The following THSD7B variants were observed in gnomAD, a reference collection of about 807,000 sequenced individuals.
THSD7B encodes the protein thrombospondin type-1 domain-containing protein 7B.
In THSD7B, 138 loss-of-function variants were observed where a neutral mutation model predicts 213.6. That is an observed-to-expected ratio of 0.65 (90% confidence interval 0.56 to 0.74). The LOEUF (loss-of-function observed/expected upper bound fraction) is 0.74. Ranked by LOEUF, THSD7B falls within the 30% of genes least tolerant of loss-of-function variation. THSD7B has a pLI of 0.00. For missense variants in THSD7B, 1,931 were observed against 1,991.5 expected (o/e 0.97, Z 0.58); for synonymous variants, 742 against 687.0 (o/e 1.08, Z -1.25).
Position 137,470,429 on chromosome 2 carries a change from C to T in THSD7B, c.3138+19406C>T, listed in dbSNP as rs184341924. Among the ~76,000 whole-genome samples, 278 of 152,230 alleles carry T rather than the reference C, an allele frequency of 1.8e-3. 3 individuals carry two copies. Among genetic ancestry groups the T allele is most frequent in the Non-Finnish European group, 3.1e-3 (211 of 68,022 alleles). ...GGGTGGTTGAGCTCCTCAGCTTTCC[C>T]GTGGATGAAAACAAACAAACAAAAA... On this transcript the variant is annotated intron_variant, in intron 15 of 27. Transcript: ENST00000409968.
chr2:136,855,296 A>G (rs1292738506), intron 1 of THSD7B, among the ~76,000 whole-genome samples: 2 of 152,002 alleles, frequency 1.3e-5, no homozygotes, highest in African/African-American at 4.8e-5. Context: ...TCACCTTTCT[A>G]CCCTATTCAC....
intron 2 of THSD7B, among the ~76,000 whole-genome samples, chr2:137,028,796 T>C (rs928053900): frequency 2.0e-5 from 3 of 152,172 alleles, no homozygotes; most frequent in African/African-American, 4.8e-5. Flanking sequence ...ACCTAAAAAA[T>C]AGGTAGGAAC....
intron 5 of THSD7B, among the ~76,000 whole-genome samples, chr2:137,119,870 A>G (rs1688516909): frequency 6.6e-6 from 1 of 152,198 alleles, no homozygotes; most frequent in Admixed American, 6.5e-5. Context: ...AGTAATTTAT[A>G]TTCTTAGCTG....
chr2:136,816,729 G>C (rs930453140), intron 1 of THSD7B, among the ~76,000 whole-genome samples: 2 of 152,078 alleles, frequency 1.3e-5, no homozygotes, highest in Non-Finnish European at 2.9e-5. Flanking sequence ...ATCTCCACTG[G>C]GAATGCACTT....
In THSD7B at chr2:137,665,659, T is replaced by C. The variant is rs574170135; in HGVS notation, c.4651+2084T>C. Among the ~76,000 whole-genome samples the C allele has an allele frequency of 6.6e-4, 100 of 152,162 alleles. 3 individuals are homozygous for C. The highest frequency in any genetic ancestry group is 2.3e-3 in the African/African-American group (96 of 41,524). On this transcript the variant is annotated intron_variant, in intron 26 of 27. Transcript: ENST00000409968. Reference sequence around the variant, plus strand: ...CTCTAAGGAACTCATCATGCAGTTATATGCACATATACTAAAAGAAGTCCG... The same window carrying C: ...CTCTAAGGAACTCATCATGCAGTTACATGCACATATACTAAAAGAAGTCCG...
At position 137,412,614 on chromosome 2, in the gene THSD7B, A is replaced by C. The variant is rs867998072; in HGVS notation, c.2959+742A>C. Among the ~76,000 whole-genome samples, 31 of 148,722 alleles carry C rather than the reference A, an allele frequency of 2.1e-4. 2 individuals are homozygous for C. Among genetic ancestry groups the C allele is most frequent in the Non-Finnish European group, 2.7e-4 (18 of 66,736 alleles). ...CTCTGTCTCAAAAAAAAAAAAACAA[A>C]AAAAAACAAAAAACAGTTTTACTAT... On this transcript the variant is annotated intron_variant, in intron 14 of 27. Coordinates refer to ENST00000409968, the MANE Select transcript of THSD7B (RefSeq NM_001316349.2).
chr2:137,052,801 A>C (rs1356339232), intron 2 of THSD7B, among the ~76,000 whole-genome samples: 3 of 152,170 alleles, frequency 2.0e-5, no homozygotes, highest in Admixed American at 6.5e-5. Flanking sequence ...AATACAACTG[A>C]ATAAATCATG....
intron 2 of THSD7B, among the ~76,000 whole-genome samples, chr2:137,052,320 T>G (rs956022569): frequency 1.3e-5 from 2 of 152,172 alleles, no homozygotes; most frequent in African/African-American, 4.8e-5. Context: ...ATTACATCAT[T>G]GAAGTACTTT....
chr2:137,623,485 T>C (rs372694384), intron 20 of THSD7B, among the ~76,000 whole-genome samples: 2,965 of 152,142 alleles, frequency 0.019, 44 homozygotes, highest in Middle Eastern at 0.071. Context: ...CCAGGGCAAT[T>C]AGGCAGGAGA....
chr2:137,122,420 G>T (rs1309879954), intron 5 of THSD7B, among the ~76,000 whole-genome samples: 3 of 152,148 alleles, frequency 2.0e-5, no homozygotes, highest in Non-Finnish European at 4.4e-5. Context: ...GAAGTTCATG[G>T]TTTAAACAGG....
intron 10 of THSD7B, among the ~76,000 whole-genome samples, chr2:137,248,615 A>G (rs1682095579): frequency 6.6e-6 from 1 of 152,104 alleles, no homozygotes; most frequent in African/African-American, 2.4e-5. Context: ...AAATACATAC[A>G]AGCACTAACT....
chr2:137,623,504 A>G (rs918071386), intron 20 of THSD7B, among the ~76,000 whole-genome samples: 12 of 152,162 alleles, frequency 7.9e-5, no homozygotes, highest in Admixed American at 7.9e-4. Context: ...GAAAGAAATA[A>G]AGGGTATTCA....
chr2:137,189,116 A>G (rs1292346259), intron 7 of THSD7B, among the ~76,000 whole-genome samples: 1 of 151,856 alleles, frequency 6.6e-6, no homozygotes, highest in African/African-American at 2.4e-5. Flanking sequence ...TTCCCATCTC[A>G]TCTTCCTTCC....
chr2:137,227,299 G>A lies in THSD7B; in HGVS notation c.1724-3745G>A, dbSNP rs555490981. Reference sequence around the variant, plus strand: ...CCAGAATCATAACTGGTTTAAATAAGTCTATTCCACAAGGAGAGAACAGGG... The same window carrying A: ...CCAGAATCATAACTGGTTTAAATAAATCTATTCCACAAGGAGAGAACAGGG... On this transcript the variant is annotated intron_variant, in intron 7 of 27. Transcript: ENST00000409968. 2.6e-5 allele frequency among the ~76,000 whole-genome samples: 4 copies of A among 152,246 alleles called. No individual in the cohort carries two copies. In the East Asian group the frequency reaches 7.7e-4, roughly 29 times the overall value.
At chr2:136,971,368 G>A (rs1202209698) in intron 2 of THSD7B, among the ~76,000 whole-genome samples, 9 of 152,044 alleles carry the variant, frequency 5.9e-5, no homozygotes, top group Admixed American at 3.9e-4. Context: ...TCTCAGAAGC[G>A]ACACAGGTAG....
At chr2:137,529,731 A>G (rs1680361185) in intron 15 of THSD7B, among the ~76,000 whole-genome samples, 1 of 151,968 alleles carries the variant, frequency 6.6e-6, no homozygotes. Flanking sequence ...CATCAGAAGA[A>G]TTAAACTGCC....
In THSD7B at chr2:137,533,263, G is replaced by A. The variant is rs80246435; in HGVS notation, c.3139-29958G>A. Among the ~76,000 whole-genome samples the A allele has an allele frequency of 6.8e-3, 1,024 of 151,658 alleles. 14 individuals carry two copies. The highest frequency in any genetic ancestry group is 0.024 in the African/African-American group (980 of 41,428). On this transcript the variant is annotated intron_variant, in intron 15 of 27. Transcript: ENST00000409968. ...CAGAAATGTTCCAGTTCTCTATAAC[G>A]TGCCTCTCCAGGATTGTTTCCCATA... is the stretch of plus-strand genomic sequence containing the variant.
At chr2:137,303,453 A>C (rs1054585341) in intron 12 of THSD7B, among the ~76,000 whole-genome samples, 10 of 151,658 alleles carry the variant, frequency 6.6e-5, no homozygotes, top group African/African-American at 2.4e-4. Context: ...TCTCTGAAAA[A>C]GTTGCTGAAT....
chr2:136,962,952 T>A (rs1685251067), intron 2 of THSD7B, among the ~76,000 whole-genome samples: 1 of 152,160 alleles, frequency 6.6e-6, no homozygotes, highest in Non-Finnish European at 1.5e-5. Flanking sequence ...GAAATCAGAT[T>A]TTGTGGTTTG....
Sources: gnomAD v4.1 joint callset for allele counts (sites outside exome capture counted in the v4.1 genomes callset) on GRCh38, gnomAD v4.1.1 for gene constraint, MANE v1.5 for transcripts, NCBI Gene and HGNC (gene_info 2026-07-23, HGNC 2026-07-21) for gene names.